Variants in CACNG8 observed in about 807,000 individuals in gnomAD.
CACNG8 encodes calcium voltage-gated channel auxiliary subunit gamma 8, also known as voltage-dependent calcium channel gamma-8 subunit.
In CACNG8, 5 loss-of-function variants were observed where a neutral mutation model predicts 26.9. The ratio of observed to expected loss-of-function variants is 0.19; its 90% CI spans 0.10 to 0.39. The LOEUF is 0.39. Among genes scored for constraint, CACNG8 ranks in the 10% least tolerant of loss-of-function variants. CACNG8 has a pLI of 1.00. For missense variants in CACNG8, 473 were observed against 609.4 expected, an observed-to-expected ratio of 0.78 and a Z score of 2.36; for synonymous variants, 321 against 296.7, an observed-to-expected ratio of 1.08 and a Z score of -0.84.
chr19:53,964,190 A>C (rs1188494977), intron 1 of CACNG8, among the ~76,000 whole-genome samples: 1 of 150,114 alleles, frequency 6.7e-6, no homozygotes, highest in African/African-American at 2.5e-5. Context: ...GCCCCGTGAC[A>C]TCTTCTCTCT....
chr19:53,969,934 C>A (rs2069292486), intron 1 of CACNG8, among the ~76,000 whole-genome samples: 1 of 150,474 alleles, frequency 6.6e-6, no homozygotes, highest in South Asian at 2.1e-4. Flanking sequence ...GAGTTCGAGA[C>A]CAGCCTGGTC....
intron 1 of CACNG8, among the ~76,000 whole-genome samples, chr19:53,974,842 A>G (rs1321444765): frequency 1.3e-5 from 2 of 151,218 alleles, no homozygotes; most frequent in Non-Finnish European, 2.9e-5. Context: ...GGGTTTCACC[A>G]TGTTGGCCAG....
In CACNG8 at chr19:53,982,603, GGGCGGCGGCGGAGGC is replaced by G. The variant is rs897367616; in HGVS notation, c.1041_1055del (p.Gly348_Gly352del). ...TCGGCGGCGCGGCCGGGGGCGCCGG[GGGCGGCGGCGGAGGC>G]GGCGGCGGGGCGGGTGCCGAGCGGG... On this transcript the variant is annotated inframe_deletion, in exon 4 of 4. Transcript: ENST00000270458. This position sits in a 1 kb window ranked among gnomAD's most constrained non-coding sequence, Gnocchi z 8.4. 2.1e-6 allele frequency: 2 copies of G among 969,208 alleles called. No homozygotes were observed. The highest frequency in any genetic ancestry group is 4.6e-5 in the South Asian group (1 of 21,894). 60.0% of individuals were successfully genotyped at this position (969,208 alleles called of 1,614,324 possible).
At chr19:53,980,526 G>A (rs1308603491) in intron 3 of CACNG8, among the ~76,000 whole-genome samples, 2 of 152,156 alleles carry the variant, frequency 1.3e-5, no homozygotes, top group African/African-American at 2.4e-5. Flanking sequence ...CCAGGGCCGG[G>A]AAGTGGAAAC....
Position 53,983,815 on chromosome 19 carries a change from T to A in CACNG8, c.*966T>A, listed in dbSNP as rs2069390748. 1 of 152,548 alleles carries A rather than the reference T, an allele frequency of 6.6e-6. No individual in the cohort carries two copies. The highest frequency in any genetic ancestry group is 6.5e-5 in the Admixed American group (1 of 15,272). The allele number at this position is 152,548 out of a possible 1,614,324, so 9.4% of individuals were successfully genotyped here. A position where few individuals can be genotyped will look rare whatever the true frequency, so the allele number is the denominator to read the frequency against. ...CAAAGGCCCCGGGGCAGGAAGGAGC[T>A]TGCAGCGAGGGCTGAAGGGTAGTGA... On this transcript the variant is annotated 3_prime_UTR_variant, in exon 4 of 4. Coordinates refer to ENST00000270458, the MANE Select transcript of CACNG8 (RefSeq NM_031895.6).
rs75935813 is a variant in CACNG8 at position 53,972,756 on chromosome 19, G to T, written c.284-5390G>T. Reference sequence around the variant, plus strand: ...AATGAGAGAGCAGAGGCTCAGGGACGATCCGGTTCCAAAACCACGCAGCTG... The same window carrying T: ...AATGAGAGAGCAGAGGCTCAGGGACTATCCGGTTCCAAAACCACGCAGCTG... On this transcript the variant is annotated intron_variant, in intron 1 of 3. Transcript: ENST00000270458. Among the ~76,000 whole-genome samples the T allele has an allele frequency of 5.4e-4, 82 of 152,240 alleles. 1 individual carries two copies. The East Asian group carries it at 0.015, about 28-fold the overall frequency.
chr19:53,970,750 T>C (rs2069297538), intron 1 of CACNG8, among the ~76,000 whole-genome samples: 3 of 150,520 alleles, frequency 2.0e-5, no homozygotes, highest in Non-Finnish European at 4.4e-5. Context: ...CTGGGCAACA[T>C]AGGGAGACCC....
intron 2 of CACNG8, among the ~76,000 whole-genome samples, chr19:53,978,759 A>T (rs2069345532): frequency 8.0e-6 from 1 of 125,376 alleles, no homozygotes; most frequent in Non-Finnish European, 1.7e-5. Flanking sequence ...TGCAGAGAAA[A>T]AGAGGAGGGC....
chr19:53,970,035 G>A (rs950262256), intron 1 of CACNG8, among the ~76,000 whole-genome samples: 1 of 147,490 alleles, frequency 6.8e-6, no homozygotes, highest in African/African-American at 2.5e-5. Flanking sequence ...TCAGGAGGCT[G>A]GCAGGGCGCG....
At chr19:53,971,876 G>A (rs1208918250) in intron 1 of CACNG8, among the ~76,000 whole-genome samples, 4 of 152,186 alleles carry the variant, frequency 2.6e-5, no homozygotes, top group Admixed American at 2.0e-4. Context: ...CCGGGTCTGC[G>A]CTAGGCAGCC....
chr19:53,969,131 G>A (rs181135786), intron 1 of CACNG8, among the ~76,000 whole-genome samples: 23 of 152,146 alleles, frequency 1.5e-4, no homozygotes, highest in Non-Finnish European at 2.6e-4. Flanking sequence ...AGCCTCCTGA[G>A]TAGCTGGGAT....
rs1260183461 is a variant in CACNG8, at chr19:53,982,775, G to C, written c.1204G>C (p.Ala402Pro). The change falls in exon 4 of 4, where the codon GCC (alanine) becomes CCC (proline). Residue 402 changes from alanine to proline, a missense_variant. Physicochemically the swap from Ala to Pro is conservative, Grantham distance 27 (BLOSUM62 -1). Transcript: ENST00000270458. The surrounding 1 kb of genome is among the most constrained non-coding windows in gnomAD (Gnocchi z 8.4). ...CGCGCCACCCGCGCCCTCTGCGCCCGCCCCCGGGACCCTGGCCAAGGAGGC... is the reference window on the plus strand; with the variant it reads ...CGCGCCACCCGCGCCCTCTGCGCCCCCCCCCGGGACCCTGGCCAAGGAGGC... The C allele has an allele frequency of 2.3e-6, 3 of 1,281,146 alleles. No homozygotes were observed. The highest frequency in any genetic ancestry group is 3.0e-6 in the Non-Finnish European group (3 of 1,011,542). The allele number at this position is 1,281,146 out of a possible 1,614,324, so 79.4% of individuals were successfully genotyped here.
At position 53,979,960 on chromosome 19, in the gene CACNG8, C is replaced by G. The variant is rs763234149; in HGVS notation, c.461C>G (p.Ser154Cys). The G allele has an allele frequency of 1.2e-6, 2 of 1,612,804 alleles. No homozygotes were observed. The highest frequency in any genetic ancestry group is 8.5e-7 in the Non-Finnish European group (1 of 1,179,486). ...GTGGCGGCCTCCCGCGTCTACAAGT[C>G]CAAGAGGAACATCATTCTGGGCGCA... is the stretch of plus-strand genomic sequence containing the variant. The change falls in exon 3 of 4, where the codon TCC (serine) becomes TGC (cysteine). Residue 154 changes from serine (S) to cysteine (C), a missense_variant. Around this residue, in one of 6 missense-constraint regions of CACNG8, gnomAD observed 155 missense variants for 253.0 expected, o/e 0.61. Coordinates refer to ENST00000270458, the MANE Select transcript of CACNG8 (RefSeq NM_031895.6).
rs1262014313 is a variant in CACNG8 at position 53,982,052 on chromosome 19, AG to A, written c.509-26del. ...GGGGGCGGGGCCGGGGGTGGCCTCG[AG>A]GCTCCCGTCTGACCGTCCCCGCCCA... On this transcript the variant is annotated intron_variant, in intron 3 of 3. Transcript: ENST00000270458. The surrounding 1 kb of genome is among the most constrained non-coding windows in gnomAD (Gnocchi z 8.4). The A allele has an allele frequency of 6.6e-7, 1 of 1,521,072 alleles. No homozygotes were observed. Among genetic ancestry groups the A allele is most frequent in the Admixed American group, 2.1e-5 (1 of 48,436 alleles). 94.2% of individuals were successfully genotyped at this position (1,521,072 alleles called of 1,614,324 possible).
intron 2 of CACNG8, 124 bp downstream of exon 2, chr19:53,978,353 C>G: frequency 1.4e-6 from 1 of 693,822 alleles, no homozygotes; most frequent in Non-Finnish European, 2.5e-6. Context: ...CGAGGTTAGC[C>G]TCCCAGCCAA....
At chr19:53,965,531 C>G (rs1040496182) in intron 1 of CACNG8, among the ~76,000 whole-genome samples, 3 of 152,004 alleles carry the variant, frequency 2.0e-5, no homozygotes, top group Admixed American at 2.0e-4. Context: ...AGCCCTAGGA[C>G]AGCACGTGGC....
rs999895443 is a variant in CACNG8 at position 53,979,821 on chromosome 19, G to A, written c.368-46G>A. 5 of 1,528,894 alleles carry A rather than the reference G, an allele frequency of 3.3e-6. No individual in the cohort carries two copies. In the South Asian group the frequency reaches 3.8e-5, roughly 12 times the overall value. The allele number at this position is 1,528,894 out of a possible 1,614,324, so 94.7% of individuals were successfully genotyped here. A position where few individuals can be genotyped will look rare whatever the true frequency, so the allele number is the denominator to read the frequency against. ...GAAGGGGGCGCAGGCGGCCGCGTCT[G>A]ACCGCCCTCGCTCTCCCTCCTTTTC... On this transcript the variant is annotated intron_variant, in intron 2 of 3. Coordinates refer to ENST00000270458, the MANE Select transcript of CACNG8 (RefSeq NM_031895.6).
chr19:53,982,141 G>A lies in CACNG8; in HGVS notation c.570G>A (p.Pro190=). Residue 190 remains proline (P), a synonymous_variant, in exon 4 of 4, where the codon CCG becomes CCA. Coordinates refer to ENST00000270458, the MANE Select transcript of CACNG8 (RefSeq NM_031895.6). The surrounding 1 kb of genome is among the most constrained non-coding windows in gnomAD (Gnocchi z 8.4). ...CCGCCAACGCGGGCGAGCCGGGCCC[G>A]AAGCGGGACGAGGAGAAGAAAAACC... is the stretch of plus-strand genomic sequence containing the variant. The A allele has an allele frequency of 1.2e-6, 2 of 1,611,552 alleles. No homozygotes were observed. The highest frequency in any genetic ancestry group is 1.7e-6 in the Non-Finnish European group (2 of 1,178,870).
chr19:53,981,602 G>A (rs1365144686), intron 3 of CACNG8, among the ~76,000 whole-genome samples: 1 of 150,560 alleles, frequency 6.6e-6, no homozygotes, highest in African/African-American at 2.4e-5. Flanking sequence ...TCTGGGGGCA[G>A]GACCTGGACC....
Sources: gnomAD v4.1 joint callset for allele counts (sites outside exome capture counted in the v4.1 genomes callset) on GRCh38, gnomAD v4.1.1 for gene constraint, gnomAD v4.1.1 regional missense constraint, Gnocchi (gnomAD v3.1) non-coding constraint, MANE v1.5 for transcripts, NCBI Gene and HGNC (gene_info 2026-07-23, HGNC 2026-07-21) for gene names.